Variants in HES7 observed in about 807,000 individuals in gnomAD.
The protein encoded by HES7 is hes family bHLH transcription factor 7.
A neutral mutation model predicts 18.0 loss-of-function variants in HES7; 8 were observed. That is an observed-to-expected ratio of 0.45 (90% confidence interval 0.26 to 0.80). The LOEUF (loss-of-function observed/expected upper bound fraction) is 0.80, where lower values mean the gene tolerates loss of function less well. Ranked by LOEUF, HES7 falls within the 30% of genes least tolerant of loss-of-function variation. The pLI, the probability that HES7 is intolerant of heterozygous loss-of-function variation, is 0.18. For missense variants in HES7, 356 were observed against 340.9 expected (o/e 1.04, Z -0.35); for synonymous variants, 170 against 158.6 (o/e 1.07, Z -0.54).
Position 8,121,459 on chromosome 17 carries a change from G to T in HES7, c.*112C>A. The stretch of plus-strand genomic sequence containing the variant: ...TCTCACCCGCGCGCTGAGCCCGCGC[G>T]CCCCACTGCCCTCCCCAACACCTGC... On this transcript the variant is annotated 3_prime_UTR_variant, in exon 4 of 4. Transcript: ENST00000541682. The T allele has an allele frequency of 1.2e-6, 1 of 857,546 alleles. No individual in the cohort carries two copies. Among genetic ancestry groups the T allele is most frequent in the Non-Finnish European group, 1.6e-6 (1 of 640,206 alleles). 53.1% of individuals were successfully genotyped at this position (857,546 alleles called of 1,614,324 possible). A position where few individuals can be genotyped will look rare whatever the true frequency, so the allele number is the denominator to read the frequency against.
In HES7 at chr17:8,121,560, C is replaced by T. The variant is rs8076664; in HGVS notation, c.*11G>A. 1,812 of 1,293,560 alleles carry T rather than the reference C, an allele frequency of 1.4e-3. 28 individuals carry two copies. The African/African-American group carries it at 0.025, about 18-fold the overall frequency. The allele number at this position is 1,293,560 out of a possible 1,614,324, so 80.1% of individuals were successfully genotyped here. On this transcript the variant is annotated 3_prime_UTR_variant, in exon 4 of 4. Transcript: ENST00000541682. ...CCACCCCTAGACCCCGCCCCCACCA[C>T]CCCCCAAGGCTCAGGGCCAAGGTCT...
In HES7 at chr17:8,123,355, G is replaced by GTCCTCCC; in HGVS notation, c.43-236_43-230dup. 1.7e-6 allele frequency: 1 copy of GTCCTCCC among 593,590 alleles called. No homozygotes were observed. The highest frequency in any genetic ancestry group is 3.0e-6 in the Non-Finnish European group (1 of 331,378). 36.8% of individuals were successfully genotyped at this position (593,590 alleles called of 1,614,324 possible). ...CTTCGCATTCTCCTCTCTCAGTCTC[G>GTCCTCCC]TCCTCCCTCCTCCCCTCTCTGTGTC... On this transcript the variant is annotated intron_variant, in intron 1 of 3. Transcript: ENST00000541682. The surrounding 1 kb of genome is among the most constrained non-coding windows in gnomAD (Gnocchi z 5.9).
At chr17:8,125,639 C>CA (rs1981565646), upstream of HES7, among the ~76,000 whole-genome samples, 1 of 152,174 alleles carries the variant, frequency 6.6e-6, no homozygotes, top group Non-Finnish European at 1.5e-5. Flanking sequence ...GCGCTCCACC[C>CA]ACGGCAACCA....
rs1236112591 is a variant in HES7 at position 8,122,045 on chromosome 17, G to A, written c.227-8C>T. On this transcript the variant is annotated splice_polypyrimidine_tract_variant and splice_region_variant and intron_variant, in intron 3 of 3. Coordinates refer to ENST00000541682, the MANE Select transcript of HES7 (RefSeq NM_001165967.2). The surrounding 1 kb of genome is among the most constrained non-coding windows in gnomAD (Gnocchi z 6.9). ...CCCCTGGAGCCGCGGCGGCTGGTGC[G>A]GCCGGCGGGAGCACAGGTGGGCAGG... 4 of 1,497,846 alleles carry A rather than the reference G, an allele frequency of 2.7e-6. No individual in the cohort carries two copies. Among genetic ancestry groups the A allele is most frequent in the Admixed American group, 2.2e-5 (1 of 45,156 alleles). The allele number at this position is 1,497,846 out of a possible 1,614,324, so 92.8% of individuals were successfully genotyped here. A position where few individuals can be genotyped will look rare whatever the true frequency, so the allele number is the denominator to read the frequency against.
In HES7 at chr17:8,123,288, C is replaced by G; in HGVS notation, c.43-162G>C. On this transcript the variant is annotated intron_variant, in intron 1 of 3. Transcript: ENST00000541682. This position sits in a 1 kb window ranked among gnomAD's most constrained non-coding sequence, Gnocchi z 5.9. Reference sequence around the variant, plus strand: ...ATTCGATCCCTCTCCGCTCCCCCTCCCAATGCCCCTAGATCAGTTTCTGTA... The same window carrying G: ...ATTCGATCCCTCTCCGCTCCCCCTCGCAATGCCCCTAGATCAGTTTCTGTA... 1 of 645,666 alleles carries G rather than the reference C, an allele frequency of 1.5e-6. No individual in the cohort carries two copies. Among genetic ancestry groups the G allele is most frequent in the Non-Finnish European group, 2.8e-6 (1 of 356,070 alleles). 40.0% of individuals were successfully genotyped at this position (645,666 alleles called of 1,614,324 possible).
upstream of HES7, among the ~76,000 whole-genome samples, chr17:8,125,792 C>G (rs888412874): frequency 1.3e-5 from 2 of 152,162 alleles, no homozygotes; most frequent in African/African-American, 2.4e-5. Flanking sequence ...CGCGGGAGGC[C>G]CGGGTTCGAT....
chr17:8,122,239 C>T lies in HES7; in HGVS notation c.226+104G>A, dbSNP rs117117111. Reference sequence around the variant, plus strand: ...CCTCGCCTCGGAGCAGAACCGGCCACTCCCCAAGCCCACCATCCACCGCAG... The same window carrying T: ...CCTCGCCTCGGAGCAGAACCGGCCATTCCCCAAGCCCACCATCCACCGCAG... On this transcript the variant is annotated intron_variant, in intron 3 of 3. Transcript: ENST00000541682. The surrounding 1 kb of genome is among the most constrained non-coding windows in gnomAD (Gnocchi z 6.9). 24,133 of 1,092,554 alleles carry T rather than the reference C, an allele frequency of 0.022. 335 individuals carry two copies. The highest frequency in any genetic ancestry group is 0.027 in the Non-Finnish European group (20,206 of 741,120). The allele number at this position is 1,092,554 out of a possible 1,614,324, so 67.7% of individuals were successfully genotyped here. A position where few individuals can be genotyped will look rare whatever the true frequency, so the allele number is the denominator to read the frequency against.
In HES7 at chr17:8,121,888, C is replaced by T; in HGVS notation, c.376G>A (p.Ala126Thr). Reference protein sequence around the residue: ...SPAARAQLFSALHGYLRPKPP... With the variant: ...SPAARAQLFSTLHGYLRPKPP... ...TTGGGGCGCAGATAGCCGTGCAGCGCGGAGAAGAGCTGGGCGCGGGCGGCC... is the reference window on the plus strand; with the variant it reads ...TTGGGGCGCAGATAGCCGTGCAGCGTGGAGAAGAGCTGGGCGCGGGCGGCC... Residue 126 changes from alanine (A) to threonine (T), a missense_variant, in exon 4 of 4, where the codon GCG (alanine) becomes ACG (threonine). By Grantham distance (58) the Ala-to-Thr change is moderately conservative (BLOSUM62 0). Transcript: ENST00000541682. The T allele has an allele frequency of 3.2e-6, 5 of 1,571,324 alleles. No homozygotes were observed. The South Asian group carries it at 4.5e-5, about 14-fold the overall frequency.
upstream of HES7, among the ~76,000 whole-genome samples, chr17:8,125,434 G>T (rs1981555920): frequency 6.6e-6 from 1 of 152,180 alleles, no homozygotes; most frequent in Non-Finnish European, 1.5e-5. Flanking sequence ...CAGCCAAATG[G>T]GAACGCAAAT....
At chr17:8,126,153 A>C (rs1598235558), upstream of HES7, among the ~76,000 whole-genome samples, 1 of 145,874 alleles carries the variant, frequency 6.9e-6, no homozygotes, top group African/African-American at 2.6e-5. Context: ...TGTTCTTTCC[A>C]CCTCTCTTCC....
rs774662496 is a variant in HES7, at chr17:8,121,836, G to C, written c.428C>G (p.Pro143Arg). The C allele has an allele frequency of 5.6e-5, 88 of 1,570,632 alleles. No homozygotes were observed. Among genetic ancestry groups the C allele is most frequent in the Non-Finnish European group, 7.1e-5 (83 of 1,168,978 alleles). The change falls in exon 4 of 4, where the codon CCG becomes CGG. Residue 143 changes from proline (P) to arginine (R), a missense_variant. Pro to Arg is a moderately radical substitution (Grantham distance 103). Transcript: ENST00000541682. ...GGATGGGCGCGGCGCTGGAGGCCTC[G>C]GATCTACCGGCTTGGGCCGGGGCGG... ...PKPPRPKPVD[P>R]RPPAPRPSLD...
Position 8,122,232 on chromosome 17 carries a change from C to T in HES7, c.226+111G>A, listed in dbSNP as rs1353940838. 17 of 1,036,414 alleles carry T rather than the reference C, an allele frequency of 1.6e-5. No individual in the cohort carries two copies. Among genetic ancestry groups the T allele is most frequent in the Non-Finnish European group, 2.5e-5 (17 of 692,336 alleles). 64.2% of individuals were successfully genotyped at this position (1,036,414 alleles called of 1,614,324 possible). A position where few individuals can be genotyped will look rare whatever the true frequency, so the allele number is the denominator to read the frequency against. On this transcript the variant is annotated intron_variant, in intron 3 of 3. Coordinates refer to ENST00000541682, the MANE Select transcript of HES7 (RefSeq NM_001165967.2). This position sits in a 1 kb window ranked among gnomAD's most constrained non-coding sequence, Gnocchi z 6.9. ...TTATTAACCTCGCCTCGGAGCAGAACCGGCCACTCCCCAAGCCCACCATCC... is the reference window on the plus strand; with the variant it reads ...TTATTAACCTCGCCTCGGAGCAGAATCGGCCACTCCCCAAGCCCACCATCC...
At chr17:8,125,265 A>G (rs1489532890), upstream of HES7, among the ~76,000 whole-genome samples, 2 of 152,034 alleles carry the variant, frequency 1.3e-5, no homozygotes, top group South Asian at 2.1e-4. Flanking sequence ...TCAGAGACCA[A>G]TGGGGTTTCC....
Position 8,121,880 on chromosome 17 carries a change from G to A in HES7, c.384C>T (p.His128=), listed in dbSNP as rs746077060. 1.3e-5 allele frequency: 20 copies of A among 1,572,588 alleles called. No homozygotes were observed. Among genetic ancestry groups the A allele is most frequent in the African/African-American group, 2.8e-5 (2 of 71,306 alleles). The change falls in exon 4 of 4, where the codon CAC becomes CAT. Residue 128 remains histidine, a synonymous_variant. Coordinates refer to ENST00000541682, the MANE Select transcript of HES7 (RefSeq NM_001165967.2). ...AARAQLFSAL[H]GYLRPKPPRP... ...GGGGCGGTTTGGGGCGCAGATAGCC[G>A]TGCAGCGCGGAGAAGAGCTGGGCGC... is the stretch of plus-strand genomic sequence containing the variant.
chr17:8,124,001 G>C, intron 1 of HES7, 42 bp downstream of exon 1: 2 of 1,611,318 alleles, frequency 1.2e-6, no homozygotes, highest in Non-Finnish European at 1.7e-6. Flanking sequence ...CAGTCCCCTA[G>C]CCAAACCAGG....
chr17:8,124,595 G>A (rs1019126170), upstream of HES7, among the ~76,000 whole-genome samples: 21 of 152,176 alleles, frequency 1.4e-4, no homozygotes, highest in African/African-American at 4.8e-4. Flanking sequence ...TCTGCCGGGA[G>A]GTTGGAGAGG....
Position 8,122,935 on chromosome 17 carries a change from A to G in HES7, c.138+96T>C, listed in dbSNP as rs1035911899. ...ACTCGGGTGAGGATGCCTTGGGGCC[A>G]GGGTTGCCAACCAAGCTTGTGTCCC... On this transcript the variant is annotated intron_variant, in intron 2 of 3. Transcript: ENST00000541682. This position sits in a 1 kb window ranked among gnomAD's most constrained non-coding sequence, Gnocchi z 6.9. 5.2e-6 allele frequency: 5 copies of G among 957,108 alleles called. No individual in the cohort carries two copies. The highest frequency in any genetic ancestry group is 6.6e-6 in the Non-Finnish European group (4 of 604,840). The allele number at this position is 957,108 out of a possible 1,614,324, so 59.3% of individuals were successfully genotyped here. A position where few individuals can be genotyped will look rare whatever the true frequency, so the allele number is the denominator to read the frequency against.
chr17:8,125,739 A>C (rs533106625), upstream of HES7, among the ~76,000 whole-genome samples: 5 of 152,290 alleles, frequency 3.3e-5, no homozygotes, highest in Admixed American at 6.5e-5. Flanking sequence ...CAGAATCTTT[A>C]AGCCGCGCAT....
At chr17:8,125,336 A>G (rs1981552183), upstream of HES7, among the ~76,000 whole-genome samples, 1 of 152,156 alleles carries the variant, frequency 6.6e-6, no homozygotes, top group Non-Finnish European at 1.5e-5. Flanking sequence ...TCTTGCCATC[A>G]TAGCCCGAGC....
Sources: gnomAD v4.1 joint callset for allele counts (sites outside exome capture counted in the v4.1 genomes callset) on GRCh38, gnomAD v4.1.1 for gene constraint, Gnocchi (gnomAD v3.1) non-coding constraint, MANE v1.5 for transcripts, NCBI Gene and HGNC (gene_info 2026-07-23, HGNC 2026-07-21) for gene names.